The following EPHA5 variants were observed in gnomAD, a reference collection of about 807,000 sequenced individuals.
The protein encoded by EPHA5 is ephrin type-A receptor 5.
A neutral mutation model predicts 105.0 loss-of-function variants in EPHA5; 60 were observed. The observed-to-expected ratio is 0.57, with a 90% CI of 0.46 to 0.71. The LOEUF (loss-of-function observed/expected upper bound fraction) is 0.71, where lower values mean the gene tolerates loss of function less well. Ranked by LOEUF, EPHA5 falls within the 30% of genes least tolerant of loss-of-function variation. The pLI, the probability that EPHA5 is intolerant of heterozygous loss-of-function variation, is 0.00. For synonymous variants in EPHA5, 513 were observed against 449.1 expected (o/e 1.14, Z -1.80); for missense variants, 1,218 against 1,274.7 (o/e 0.96, Z 0.68).
intron 5 of EPHA5, among the ~76,000 whole-genome samples, chr4:65,440,459 A>C (rs1047000488): frequency 6.8e-6 from 1 of 146,992 alleles, no homozygotes; most frequent in Non-Finnish European, 1.5e-5. Flanking sequence ...AAAATATGTA[A>C]ATCTTTTGTT....
intron 2 of EPHA5, among the ~76,000 whole-genome samples, chr4:65,603,065 T>C (rs1361814359): frequency 6.6e-6 from 1 of 152,114 alleles, no homozygotes; most frequent in Admixed American, 6.6e-5. Flanking sequence ...TGCGATATGT[T>C]GGGACCCCAT....
intron 8 of EPHA5, among the ~76,000 whole-genome samples, chr4:65,398,590 C>T (rs1478059555): frequency 6.6e-6 from 1 of 152,150 alleles, no homozygotes; most frequent in Non-Finnish European, 1.5e-5. Context: ...TCTCGCCTGC[C>T]TATGGCTGCC....
At chr4:65,326,375 C>T (rs1461755231) in intron 16 of EPHA5, among the ~76,000 whole-genome samples, 1 of 151,034 alleles carries the variant, frequency 6.6e-6, no homozygotes, top group East Asian at 2.0e-4. Flanking sequence ...AAATTATATG[C>T]AGTAATTTAT....
At chr4:65,636,355 G>A (rs1747118346) in intron 2 of EPHA5, among the ~76,000 whole-genome samples, 1 of 152,020 alleles carries the variant, frequency 6.6e-6, no homozygotes, top group African/African-American at 2.4e-5. Flanking sequence ...AGTAAAATCT[G>A]GGTACCCGCC....
chr4:65,369,594 G>A (rs556369061), intron 8 of EPHA5, among the ~76,000 whole-genome samples: 1 of 151,988 alleles, frequency 6.6e-6, no homozygotes, highest in Non-Finnish European at 1.5e-5. Context: ...AATATATTTT[G>A]TTGTCATTTT....
chr4:65,461,422 C>T (rs1728110638), intron 5 of EPHA5, among the ~76,000 whole-genome samples: 3 of 151,964 alleles, frequency 2.0e-5, no homozygotes, highest in Non-Finnish European at 2.9e-5. Context: ...GTAATGTTGC[C>T]GTTCTCTTAA....
At chr4:65,521,012 AT>A (rs542961140) in intron 3 of EPHA5, among the ~76,000 whole-genome samples, 68 of 152,310 alleles carry the variant, frequency 4.5e-4, no homozygotes, top group African/African-American at 1.6e-3. Flanking sequence ...TGACCCAGCC[AT>A]CTCATTACAG....
intron 3 of EPHA5, among the ~76,000 whole-genome samples, chr4:65,506,725 T>G (rs1733064877): frequency 6.6e-6 from 1 of 151,860 alleles, no homozygotes. Context: ...AGTTGTTTGT[T>G]TTTTTCTTGT....
At chr4:65,638,847 T>C (rs1348167314) in intron 2 of EPHA5, among the ~76,000 whole-genome samples, 1 of 152,222 alleles carries the variant, frequency 6.6e-6, no homozygotes, top group Non-Finnish European at 1.5e-5. Flanking sequence ...CCAAGTTTTA[T>C]ATAAATCAGA....
chr4:65,367,563 C>T (rs1347452302), intron 8 of EPHA5, 139 bp from the exon 9 acceptor site: 1 of 719,876 alleles, frequency 1.4e-6, no homozygotes, highest in Non-Finnish European at 2.4e-6. Context: ...GATGCCAATA[C>T]TAGTAGTTTG....
At chr4:65,487,984 A>G (rs1731043719) in intron 5 of EPHA5, among the ~76,000 whole-genome samples, 1 of 152,182 alleles carries the variant, frequency 6.6e-6, no homozygotes, top group South Asian at 2.1e-4. Context: ...ACTGAGAAGA[A>G]TCTTATTTTG....
chr4:65,483,139 C>A (rs1730546239), intron 5 of EPHA5, among the ~76,000 whole-genome samples: 1 of 152,120 alleles, frequency 6.6e-6, no homozygotes, highest in African/African-American at 2.4e-5. Flanking sequence ...CGATAGTTTG[C>A]TGAGAATGAT....
intron 3 of EPHA5, among the ~76,000 whole-genome samples, chr4:65,576,994 A>G (rs1741125323): frequency 6.6e-6 from 1 of 152,204 alleles, no homozygotes; most frequent in Non-Finnish European, 1.5e-5. Context: ...AGAAATGGTA[A>G]AACAAGTCCC....
At chr4:65,464,079 T>G (rs189570907) in intron 5 of EPHA5, among the ~76,000 whole-genome samples, 31 of 151,762 alleles carry the variant, frequency 2.0e-4, no homozygotes, top group African/African-American at 7.5e-4. Context: ...TTGTCTTTCA[T>G]CCATTCAAAG....
intron 8 of EPHA5, chr4:65,376,895 T>C (rs1719062647): frequency 9.5e-7 from 1 of 1,054,258 alleles, no homozygotes; most frequent in African/African-American, 1.6e-5. Context: ...GGAGCCAGTT[T>C]TATTCTACTC....
intron 3 of EPHA5, among the ~76,000 whole-genome samples, chr4:65,561,811 G>A (rs1739043997): frequency 6.6e-6 from 1 of 151,998 alleles, no homozygotes; most frequent in Admixed American, 6.6e-5. Context: ...ACCATTCTAG[G>A]AAATAATTTT....
In EPHA5 at chr4:65,669,878, T is replaced by G; in HGVS notation, c.-136A>C. On this transcript the variant is annotated 5_prime_UTR_variant, in exon 1 of 17. Coordinates refer to ENST00000613740, the MANE Select transcript of EPHA5 (RefSeq NM_001281766.3). ...CCTACGCCTTCTGGCACGCGGCTCC[T>G]CCAAATGTAGGAACCACGGATCCGG... 1 of 1,204,852 alleles carries G rather than the reference T, an allele frequency of 8.3e-7. No individual in the cohort carries two copies. 74.6% of individuals were successfully genotyped at this position (1,204,852 alleles called of 1,614,324 possible). A position where few individuals can be genotyped will look rare whatever the true frequency, so the allele number is the denominator to read the frequency against.
At position 65,323,731 on chromosome 4, in the gene EPHA5, A is replaced by G. The variant is rs1719817777; in HGVS notation, c.*383T>C. The G allele has an allele frequency of 4.3e-6, 1 of 231,610 alleles. No homozygotes were observed. Among genetic ancestry groups the G allele is most frequent in the South Asian group, 1.8e-4 (1 of 5,554 alleles). The allele number at this position is 231,610 out of a possible 1,614,324, so 14.3% of individuals were successfully genotyped here. ...TTGTTAGCTCACAAATGGCTATAAAACATTTCCTTTCAAGTAGATCCCTGG... is the reference window on the plus strand; with the variant it reads ...TTGTTAGCTCACAAATGGCTATAAAGCATTTCCTTTCAAGTAGATCCCTGG... On this transcript the variant is annotated 3_prime_UTR_variant, in exon 17 of 17. Transcript: ENST00000613740.
intron 2 of EPHA5, among the ~76,000 whole-genome samples, chr4:65,625,915 C>T (rs1746104530): frequency 6.6e-6 from 1 of 151,788 alleles, no homozygotes; most frequent in Admixed American, 6.6e-5. Flanking sequence ...ATCGAGACCA[C>T]GGTGAAACCC....
Sources: gnomAD v4.1 joint callset for allele counts (sites outside exome capture counted in the v4.1 genomes callset) on GRCh38, gnomAD v4.1.1 for gene constraint, MANE v1.5 for transcripts, NCBI Gene and HGNC (gene_info 2026-07-23, HGNC 2026-07-21) for gene names.